Variants in PTK2B observed in about 807,000 individuals in gnomAD.
PTK2B encodes the protein protein tyrosine kinase 2 beta, also known as protein-tyrosine kinase 2-beta.
Under a neutral mutation model 142.9 loss-of-function variants are expected in PTK2B, and 71 were observed. That is an observed-to-expected ratio of 0.50 (90% CI 0.41 to 0.61). PTK2B has a LOEUF of 0.61. Among genes scored for constraint, PTK2B ranks in the 20% least tolerant of loss-of-function variants. The pLI is 0.00. For synonymous variants in PTK2B, 519 were observed against 503.4 expected (o/e 1.03, Z -0.42); for missense variants, 1,105 against 1,320.4 (o/e 0.84, Z 2.53).
chr8:27,440,845 G>C (rs1299239514), intron 21 of PTK2B, among the ~76,000 whole-genome samples: 1 of 152,182 alleles, frequency 6.6e-6, no homozygotes, highest in African/African-American at 2.4e-5. Context: ...TCTTTGACCT[G>C]TTTTCAAGAC....
At chr8:27,379,989 G>A (rs926080875) in intron 1 of PTK2B, among the ~76,000 whole-genome samples, 40 of 152,052 alleles carry the variant, frequency 2.6e-4, no homozygotes, top group African/African-American at 1.7e-4. Flanking sequence ...CAATCTGCCC[G>A]CCTTGGCATC....
chr8:27,444,510 A>T (rs753129158), intron 23 of PTK2B, among the ~76,000 whole-genome samples: 1 of 151,938 alleles, frequency 6.6e-6, no homozygotes, highest in Admixed American at 6.5e-5. Flanking sequence ...TGTCTACATC[A>T]TCTGCTGCTT....
At chr8:27,314,303 G>A (rs770703483) in intron 3 of PTK2B, among the ~76,000 whole-genome samples, 16 of 152,200 alleles carry the variant, frequency 1.1e-4, no homozygotes, top group African/African-American at 1.4e-4. Context: ...ATGGCGGATC[G>A]GGCCAGGTGC....
intron 1 of PTK2B, among the ~76,000 whole-genome samples, chr8:27,352,737 C>A (rs1408784820): frequency 6.6e-6 from 1 of 152,194 alleles, no homozygotes; most frequent in Non-Finnish European, 1.5e-5. Context: ...AAACGGAAGT[C>A]TCCCTGCACA....
At chr8:27,450,448 T>C (rs1046926365) in intron 24 of PTK2B, among the ~76,000 whole-genome samples, 1 of 152,322 alleles carries the variant, frequency 6.6e-6, no homozygotes, top group African/African-American at 2.4e-5. Flanking sequence ...ACTGAGATAA[T>C]AGTAGGGCAG....
At chr8:27,310,696 C>A, upstream of PTK2B, 10 of 1,302,148 alleles carry the variant, frequency 7.7e-6, no homozygotes, top group Non-Finnish European at 9.4e-6. Flanking sequence ...GAGCGAGACG[C>A]GGGCACACTG....
At chr8:27,387,552 G>A (rs1361559219) in intron 1 of PTK2B, among the ~76,000 whole-genome samples, 1 of 152,074 alleles carries the variant, frequency 6.6e-6, no homozygotes, top group Non-Finnish European at 1.5e-5. Flanking sequence ...CATGTGATAG[G>A]GCCTTGTTGA....
rs894127134 is a variant in PTK2B at position 27,368,807 on chromosome 8, C to T, written c.-37-28741C>T. ...CCACTCTTGCTGGGGCCTGGAGTGA[C>T]GGCAGGGCCACACTCTGCTCTGTCA... is the stretch of plus-strand genomic sequence containing the variant. On this transcript the variant is annotated intron_variant, in intron 1 of 30. Coordinates refer to ENST00000346049, the MANE Select transcript of PTK2B (RefSeq NM_173176.3). Among the ~76,000 whole-genome samples the T allele has an allele frequency of 7.9e-5, 12 of 152,282 alleles. 1 individual carries two copies. Among genetic ancestry groups the T allele is most frequent in the South Asian group, 4.2e-4 (2 of 4,818 alleles).
intron 2 of PTK2B, among the ~76,000 whole-genome samples, chr8:27,407,831 T>C (rs1278680544): frequency 6.6e-6 from 1 of 152,072 alleles, no homozygotes; most frequent in East Asian, 1.9e-4. Flanking sequence ...CAATGCTAGC[T>C]ACCATTTTTT....
chr8:27,429,963 C>T lies in PTK2B; in HGVS notation c.552-130C>T, dbSNP rs551634128. Reference sequence around the variant, plus strand: ...CAAAATACTAAATTTTATGACTCTCCTAACTTCCTTTCTCCTGATGATTCC... The same window carrying T: ...CAAAATACTAAATTTTATGACTCTCTTAACTTCCTTTCTCCTGATGATTCC... On this transcript the variant is annotated intron_variant, in intron 5 of 30. Transcript: ENST00000346049. 39 of 847,670 alleles carry T rather than the reference C, an allele frequency of 4.6e-5. No individual in the cohort carries two copies. The Admixed American group carries it at 7.0e-4, about 15-fold the overall frequency. 52.5% of individuals were successfully genotyped at this position (847,670 alleles called of 1,614,324 possible). A position where few individuals can be genotyped will look rare whatever the true frequency, so the allele number is the denominator to read the frequency against.
chr8:27,456,658 A>C (rs963287155), intron 30 of PTK2B, among the ~76,000 whole-genome samples: 2 of 152,240 alleles, frequency 1.3e-5, no homozygotes, highest in Non-Finnish European at 2.9e-5. Flanking sequence ...AGAAATGATT[A>C]AGCTGAGTGA....
rs369148792 is a variant in PTK2B, at chr8:27,351,254, T to A, written c.-38+25573T>A. On this transcript the variant is annotated intron_variant, in intron 1 of 30. Coordinates refer to ENST00000346049, the MANE Select transcript of PTK2B (RefSeq NM_173176.3). ...ACAAGGAGCAGTGGGATTTAATCTA[T>A]GTTCTTCCTGGACCCATAGAATAGA... is the stretch of plus-strand genomic sequence containing the variant. Among the ~76,000 whole-genome samples the A allele has an allele frequency of 4.0e-5, 6 of 151,306 alleles. No individual in the cohort carries two copies. In the East Asian group the frequency reaches 9.7e-4, roughly 24 times the overall value.
chr8:27,328,373 T>C (rs1374426002), intron 1 of PTK2B, among the ~76,000 whole-genome samples: 2 of 152,218 alleles, frequency 1.3e-5, no homozygotes, highest in Non-Finnish European at 2.9e-5. Flanking sequence ...ATTTTGACTT[T>C]AATGGGAGCA....
chr8:27,376,847 CA>C (rs1806701431), intron 1 of PTK2B, among the ~76,000 whole-genome samples: 1 of 152,230 alleles, frequency 6.6e-6, no homozygotes, highest in African/African-American at 2.4e-5. Context: ...GGGCAAACAG[CA>C]GCCTTCAAGA....
At chr8:27,356,574 C>T (rs1805403956) in intron 1 of PTK2B, among the ~76,000 whole-genome samples, 1 of 152,210 alleles carries the variant, frequency 6.6e-6, no homozygotes. Context: ...TATAGATCCT[C>T]ACTGCTCACC....
At chr8:27,436,762 G>A (rs1361178312) in intron 15 of PTK2B, among the ~76,000 whole-genome samples, 1 of 152,186 alleles carries the variant, frequency 6.6e-6, no homozygotes, top group Non-Finnish European at 1.5e-5. Flanking sequence ...GAAAGAGGCA[G>A]TAAGAATGAA....
At chr8:27,428,491 G>T (rs1463079923) in intron 5 of PTK2B, among the ~76,000 whole-genome samples, 1 of 152,212 alleles carries the variant, frequency 6.6e-6, no homozygotes, top group African/African-American at 2.4e-5. Flanking sequence ...AGAAGTAAGG[G>T]TAGGGAAGAA....
intron 14 of PTK2B, 51 bp from the exon 15 acceptor site, chr8:27,436,200 G>A (rs954390318): frequency 6.3e-7 from 1 of 1,578,084 alleles, no homozygotes; most frequent in African/African-American, 1.3e-5. Flanking sequence ...AGGTTCCCTA[G>A]GGGATACCAC....
chr8:27,319,915 C>T (rs1007691408), intron 3 of PTK2B, among the ~76,000 whole-genome samples: 2 of 152,190 alleles, frequency 1.3e-5, no homozygotes, highest in African/African-American at 2.4e-5. Flanking sequence ...TACCACCCAA[C>T]AGTCACGTCT....
Sources: gnomAD v4.1 joint callset for allele counts (sites outside exome capture counted in the v4.1 genomes callset) on GRCh38, gnomAD v4.1.1 for gene constraint, MANE v1.5 for transcripts, NCBI Gene and HGNC (gene_info 2026-07-23, HGNC 2026-07-21) for gene names.